Variants in TMEM108 observed in about 807,000 individuals in gnomAD.
The protein encoded by TMEM108 is cancer/testis antigen 124.
In TMEM108, 12 loss-of-function variants were observed where a neutral mutation model predicts 35.1. That is an observed-to-expected ratio of 0.34 (90% CI 0.22 to 0.55). The LOEUF is 0.55. TMEM108 is among the 20% of genes least tolerant of loss of function. The probability of loss-of-function intolerance (pLI) is 0.89; values close to 1 mark genes in which losing one functional copy is unlikely to be tolerated. For synonymous variants in TMEM108, 287 were observed against 308.6 expected (o/e 0.93, Z 0.73); for missense variants, 680 against 753.3 (o/e 0.90, Z 1.14).
chr3:133,261,795 T>A (rs1395169981), intron 3 of TMEM108, among the ~76,000 whole-genome samples: 1 of 152,224 alleles, frequency 6.6e-6, no homozygotes, highest in East Asian at 1.9e-4. Context: ...GAAGGTTTTC[T>A]ATGGTATTTT....
At chr3:133,190,355 C>T (rs2107813556) in intron 2 of TMEM108, among the ~76,000 whole-genome samples, 1 of 152,182 alleles carries the variant, frequency 6.6e-6, no homozygotes, top group African/African-American at 2.4e-5. Context: ...TATCATTTTC[C>T]TATCAAGAAA....
At chr3:133,372,000 A>G (rs2107817820) in intron 3 of TMEM108, among the ~76,000 whole-genome samples, 1 of 152,342 alleles carries the variant, frequency 6.6e-6, no homozygotes, top group East Asian at 1.9e-4. Flanking sequence ...GGGATTCCTA[A>G]CAACAGTTTC....
At chr3:133,240,520 G>T (rs1187723605) in intron 3 of TMEM108, among the ~76,000 whole-genome samples, 1 of 152,202 alleles carries the variant, frequency 6.6e-6, no homozygotes, top group Admixed American at 6.5e-5. Flanking sequence ...GCAGAAGAAT[G>T]TAGGTGAGGG....
At chr3:133,111,002 A>G (rs529755042) in intron 2 of TMEM108, among the ~76,000 whole-genome samples, 8 of 152,234 alleles carry the variant, frequency 5.3e-5, no homozygotes, top group African/African-American at 1.7e-4. Flanking sequence ...AGGTTTCTCA[A>G]TCCTTTCACT....
chr3:133,181,259 A>G (rs1945340115), intron 2 of TMEM108, among the ~76,000 whole-genome samples: 1 of 152,164 alleles, frequency 6.6e-6, no homozygotes, highest in Admixed American at 6.6e-5. Context: ...CCTGTCCCAG[A>G]AAAGAAGAGC....
rs1576405443 is a variant in TMEM108, at chr3:133,241,541, A to T, written c.40+12190A>T. Among the ~76,000 whole-genome samples, 7 of 149,918 alleles carry T rather than the reference A, an allele frequency of 4.7e-5. No homozygotes were observed. The South Asian group carries it at 1.5e-3, about 32-fold the overall frequency. On this transcript the variant is annotated intron_variant, in intron 3 of 5. Transcript: ENST00000321871. Reference sequence around the variant, plus strand: ...TGAGCTGTGGGCAGCCGCATTGCTCATGTCCTCCAGAGCATCTTCATCAGT... The same window carrying T: ...TGAGCTGTGGGCAGCCGCATTGCTCTTGTCCTCCAGAGCATCTTCATCAGT...
chr3:133,050,889 A>G (rs1943396767), intron 2 of TMEM108, among the ~76,000 whole-genome samples: 1 of 151,892 alleles, frequency 6.6e-6, no homozygotes, highest in Non-Finnish European at 1.5e-5. Flanking sequence ...GGTATACCAC[A>G]GTTTGTCCAT....
At chr3:133,227,906 A>G (rs570781464) in intron 2 of TMEM108, among the ~76,000 whole-genome samples, 3 of 152,260 alleles carry the variant, frequency 2.0e-5, no homozygotes, top group Admixed American at 2.0e-4. Context: ...AAAAAAACAT[A>G]AAATAAAATG....
chr3:133,233,646 AG>A (rs199498929), intron 3 of TMEM108, among the ~76,000 whole-genome samples: 47,315 of 149,288 alleles, frequency 0.32, 8,185 homozygotes, highest in East Asian at 0.46. Flanking sequence ...ACTAGTTTAC[AG>A]TCCCACCAAC....
intron 2 of TMEM108, among the ~76,000 whole-genome samples, chr3:133,113,371 T>G (rs1944249110): frequency 6.6e-6 from 1 of 152,154 alleles, no homozygotes; most frequent in African/African-American, 2.4e-5. Flanking sequence ...CAAATTCATG[T>G]TTTCAAAATA....
chr3:133,172,212 C>T (rs1485490023), intron 2 of TMEM108, among the ~76,000 whole-genome samples: 1 of 152,152 alleles, frequency 6.6e-6, no homozygotes, highest in African/African-American at 2.4e-5. Context: ...ATGTAGCTTA[C>T]AAATGATAGA....
chr3:133,360,719 A>G lies in TMEM108; in HGVS notation c.41-19033A>G, dbSNP rs569513042. Among the ~76,000 whole-genome samples, 6 of 152,278 alleles carry G rather than the reference A, an allele frequency of 3.9e-5. No homozygotes were observed. In the East Asian group the frequency reaches 9.7e-4, roughly 25 times the overall value. On this transcript the variant is annotated intron_variant, in intron 3 of 5. Transcript: ENST00000321871. Reference sequence around the variant, plus strand: ...CCCTCTGTTTTCTGGAACCTTGCCAATTCCAAGTGTAGCCCCAAAGTCATT... The same window carrying G: ...CCCTCTGTTTTCTGGAACCTTGCCAGTTCCAAGTGTAGCCCCAAAGTCATT...
At chr3:133,181,238 T>C (rs2107804037) in intron 2 of TMEM108, among the ~76,000 whole-genome samples, 1 of 152,224 alleles carries the variant, frequency 6.6e-6, no homozygotes, top group Non-Finnish European at 1.5e-5. Flanking sequence ...GGCTCATCTA[T>C]GAACCATCAT....
At chr3:133,300,271 G>A (rs183809211) in intron 3 of TMEM108, among the ~76,000 whole-genome samples, 74 of 152,274 alleles carry the variant, frequency 4.9e-4, no homozygotes, top group Non-Finnish European at 1.0e-3. Context: ...TCCGTAGGCA[G>A]TATGCAGGAT....
chr3:133,106,238 G>A (rs1390933240), intron 2 of TMEM108, among the ~76,000 whole-genome samples: 2 of 134,200 alleles, frequency 1.5e-5, no homozygotes, highest in Non-Finnish European at 3.1e-5. Flanking sequence ...ATAATGTTAC[G>A]TATTTGTAGT....
At chr3:133,282,217 G>T (rs767643918) in intron 3 of TMEM108, among the ~76,000 whole-genome samples, 11 of 152,112 alleles carry the variant, frequency 7.2e-5, no homozygotes, top group Non-Finnish European at 5.9e-5. Context: ...GAAAAATTTT[G>T]ATTTTGACTC....
At chr3:133,153,031 T>G (rs1944824850) in intron 2 of TMEM108, among the ~76,000 whole-genome samples, 1 of 152,112 alleles carries the variant, frequency 6.6e-6, no homozygotes, top group African/African-American at 2.4e-5. Flanking sequence ...TTCTCTGTGC[T>G]TAAATAGATG....
intron 3 of TMEM108, among the ~76,000 whole-genome samples, chr3:133,242,396 A>G (rs934735306): frequency 2.0e-5 from 3 of 152,242 alleles, no homozygotes; most frequent in Non-Finnish European, 4.4e-5. Context: ...AAGAGATGGA[A>G]CCATGAGTTT....
At chr3:133,165,652 G>T (rs1348447417) in intron 2 of TMEM108, among the ~76,000 whole-genome samples, 1 of 152,156 alleles carries the variant, frequency 6.6e-6, no homozygotes, top group Non-Finnish European at 1.5e-5. Flanking sequence ...AAGAATTATA[G>T]CTTGCAAGAT....
Sources: allele counts gnomAD v4.1 joint callset (sites outside exome capture counted in the v4.1 genomes callset), GRCh38; gene constraint gnomAD v4.1.1; transcripts MANE v1.5; gene names NCBI Gene and HGNC (gene_info 2026-07-23, HGNC 2026-07-21).